ANKRD31: variants seen among roughly 807,000 people sequenced by gnomAD.
ANKRD31 encodes the protein ankyrin repeat domain-containing protein 31.
ANKRD31 carries 147 observed loss-of-function variants against 186.0 expected under a neutral mutation model. The observed-to-expected ratio is 0.79, with a 90% CI of 0.69 to 0.91. The LOEUF is 0.91. Among genes scored for constraint, ANKRD31 ranks in the 40% least tolerant of loss-of-function variants. The probability of loss-of-function intolerance (pLI) is 0.00; values close to 1 mark genes in which losing one functional copy is unlikely to be tolerated. For synonymous variants in ANKRD31, 673 were observed against 736.4 expected, an observed-to-expected ratio of 0.91 and a Z score of 1.39; for missense variants, 1,986 against 2,148.8, an observed-to-expected ratio of 0.92 and a Z score of 1.50.
At chr5:75,112,239 C>T (rs986496401) in intron 20 of ANKRD31, among the ~76,000 whole-genome samples, 1 of 152,076 alleles carries the variant, frequency 6.6e-6, no homozygotes, top group Non-Finnish European at 1.5e-5. Flanking sequence ...TACAAGCGCC[C>T]GCCAGCATCT....
rs547548316 is a variant in ANKRD31 at position 75,175,341 on chromosome 5, T to A, written c.1565-6220A>T. On this transcript the variant is annotated intron_variant, in intron 10 of 25. Coordinates refer to ENST00000506364, the MANE Select transcript of ANKRD31 (RefSeq NM_001372053.1). ...CACATGTATACCTATGTAACAAACCTGCATGTTGTGCACATGTACCCTAGA... is the reference window on the plus strand; with the variant it reads ...CACATGTATACCTATGTAACAAACCAGCATGTTGTGCACATGTACCCTAGA... Among the ~76,000 whole-genome samples, 61 of 152,144 alleles carry A rather than the reference T, an allele frequency of 4.0e-4. 1 individual carries two copies. The highest frequency in any genetic ancestry group is 7.6e-4 in the Non-Finnish European group (52 of 67,996).
chr5:75,167,988 G>A (rs1753041938), intron 11 of ANKRD31, among the ~76,000 whole-genome samples: 1 of 151,960 alleles, frequency 6.6e-6, no homozygotes, highest in Admixed American at 6.6e-5. Context: ...GCATTCTTCT[G>A]GCCATTAAAC....
chr5:75,110,021 G>A (rs1053615829), intron 20 of ANKRD31, among the ~76,000 whole-genome samples: 1 of 152,120 alleles, frequency 6.6e-6, no homozygotes, highest in African/African-American at 2.4e-5. Context: ...TCAGTAATTA[G>A]TTACCATCCA....
chr5:75,165,396 T>G (rs143302022), intron 11 of ANKRD31, among the ~76,000 whole-genome samples: 578 of 152,250 alleles, frequency 3.8e-3, no homozygotes, highest in African/African-American at 0.013. Flanking sequence ...TGTAAGTATA[T>G]TAGATGATAA....
chr5:75,134,232 T>G (rs1750334081), intron 17 of ANKRD31, among the ~76,000 whole-genome samples: 1 of 152,024 alleles, frequency 6.6e-6, no homozygotes, highest in Non-Finnish European at 1.5e-5. Flanking sequence ...AGGAGCTGGT[T>G]TTTTGAAAGC....
At chr5:75,083,555 C>T (rs1404924344) in intron 24 of ANKRD31, among the ~76,000 whole-genome samples, 1 of 152,034 alleles carries the variant, frequency 6.6e-6, no homozygotes, top group East Asian at 1.9e-4. Context: ...ATGGTGAAAC[C>T]CCGTCTCCAC....
chr5:75,161,455 C>CA (rs1177271884), intron 11 of ANKRD31, among the ~76,000 whole-genome samples: 1 of 152,116 alleles, frequency 6.6e-6, no homozygotes, highest in Non-Finnish European at 1.5e-5. Context: ...CTGCTAAAGG[C>CA]ATTCAGTTTT....
intron 13 of ANKRD31, 136 bp from the exon 14 acceptor site, chr5:75,147,641 T>C: frequency 1.4e-6 from 1 of 722,758 alleles, no homozygotes. Flanking sequence ...CAGATCCTGC[T>C]GGGATATAGC....
intron 7 of ANKRD31, among the ~76,000 whole-genome samples, chr5:75,195,258 G>A (rs1275138945): frequency 6.6e-6 from 1 of 152,064 alleles, no homozygotes; most frequent in Non-Finnish European, 1.5e-5. Context: ...TAGACATAGT[G>A]ATTTTCTGAG....
chr5:75,157,238 A>G (rs1220029029), intron 11 of ANKRD31, among the ~76,000 whole-genome samples: 6 of 152,182 alleles, frequency 3.9e-5, no homozygotes, highest in Non-Finnish European at 4.4e-5. Context: ...ACAAGTTTTT[A>G]GAAGCTGGAG....
intron 10 of ANKRD31, among the ~76,000 whole-genome samples, chr5:75,169,554 A>G (rs1753171150): frequency 1.3e-5 from 2 of 152,120 alleles, no homozygotes; most frequent in Admixed American, 1.3e-4. Context: ...GGATATATTC[A>G]TTTTTTCTCC....
intron 23 of ANKRD31, 131 bp downstream of exon 23, chr5:75,091,130 T>C (rs749679993): frequency 3.1e-4 from 310 of 1,013,810 alleles, no homozygotes; most frequent in Non-Finnish European, 4.2e-4. Context: ...ATACAGCATA[T>C]ACAGAATGAA....
chr5:75,200,409 T>G (rs867034092), intron 5 of ANKRD31, among the ~76,000 whole-genome samples: 1 of 151,616 alleles, frequency 6.6e-6, no homozygotes, highest in South Asian at 2.1e-4. Flanking sequence ...GTGATTCTCC[T>G]GCCTCAGCCT....
At chr5:75,186,385 G>A (rs544952020) in intron 10 of ANKRD31, among the ~76,000 whole-genome samples, 26 of 152,194 alleles carry the variant, frequency 1.7e-4, no homozygotes, top group East Asian at 5.8e-4. Context: ...AGTATAAAGC[G>A]CACTCCTTTC....
rs931400116 is a variant in ANKRD31 at position 75,077,862 on chromosome 5, G to A, written c.5647+2706C>T. On this transcript the variant is annotated intron_variant, in intron 25 of 25. Coordinates refer to ENST00000506364, the MANE Select transcript of ANKRD31 (RefSeq NM_001372053.1). ...GTGGCATGAACCCGGGAGGCGGGAGGCGGAGGTTGCAGTGAGCCGAGATAG... is the reference window on the plus strand; with the variant it reads ...GTGGCATGAACCCGGGAGGCGGGAGACGGAGGTTGCAGTGAGCCGAGATAG... 7.3e-4 allele frequency among the ~76,000 whole-genome samples: 110 copies of A among 150,956 alleles called. 1 individual carries two copies. The highest frequency in any genetic ancestry group is 2.5e-3 in the African/African-American group (103 of 41,098).
intron 4 of ANKRD31, among the ~76,000 whole-genome samples, chr5:75,208,209 T>C (rs1410028504): frequency 6.6e-6 from 1 of 152,160 alleles, no homozygotes; most frequent in Non-Finnish European, 1.5e-5. Flanking sequence ...TTGAAGTATA[T>C]AACAAAAATC....
intron 22 of ANKRD31, among the ~76,000 whole-genome samples, chr5:75,097,662 T>C (rs1019019142): frequency 3.3e-5 from 5 of 152,248 alleles, no homozygotes; most frequent in African/African-American, 9.6e-5. Flanking sequence ...ATTAGTTTAA[T>C]TAGATCCCAT....
chr5:75,137,789 A>C, intron 17 of ANKRD31, 67 bp downstream of exon 17: 1 of 1,296,270 alleles, frequency 7.7e-7, no homozygotes, highest in Non-Finnish European at 9.8e-7. Context: ...CAGTTTAAAA[A>C]ATCTTCATTT....
chr5:75,108,946 T>C (rs1458732662), intron 20 of ANKRD31, among the ~76,000 whole-genome samples: 1 of 152,220 alleles, frequency 6.6e-6, no homozygotes, highest in Non-Finnish European at 1.5e-5. Flanking sequence ...ATATTCTGTA[T>C]GTTTCTCTAA....
Sources: allele counts gnomAD v4.1 joint callset (sites outside exome capture counted in the v4.1 genomes callset), GRCh38; gene constraint gnomAD v4.1.1; transcripts MANE v1.5; gene names NCBI Gene and HGNC (gene_info 2026-07-23, HGNC 2026-07-21).